KIF13A: variants seen among roughly 807,000 people sequenced by gnomAD.
KIF13A encodes the protein kinesin family member 13A, also known as kinesin-like protein KIF13A.
Under a neutral mutation model 212.2 loss-of-function variants are expected in KIF13A, and 79 were observed. That is an observed-to-expected ratio of 0.37 (90% confidence interval 0.31 to 0.45). The LOEUF (loss-of-function observed/expected upper bound fraction) is 0.45, where lower values mean the gene tolerates loss of function less well. Ranked by LOEUF, KIF13A falls within the 20% of genes least tolerant of loss-of-function variation. KIF13A has a pLI of 1.00. For synonymous variants in KIF13A, 789 were observed against 808.6 expected (o/e 0.98, Z 0.41); for missense variants, 1,901 against 2,209.0 (o/e 0.86, Z 2.79).
At chr6:17,891,430 G>A (rs928394119) in intron 3 of KIF13A, among the ~76,000 whole-genome samples, 3 of 152,250 alleles carry the variant, frequency 2.0e-5, no homozygotes, top group African/African-American at 7.2e-5. Context: ...AACTCAGCTG[G>A]AAGAATATCT....
rs764845569 is a variant in KIF13A at position 17,777,390 on chromosome 6, T to G, written c.4093-36A>C. 7.2e-6 allele frequency: 11 copies of G among 1,532,860 alleles called. No homozygotes were observed. The highest frequency in any genetic ancestry group is 9.8e-6 in the Non-Finnish European group (11 of 1,122,962). The allele number at this position is 1,532,860 out of a possible 1,614,324, so 95.0% of individuals were successfully genotyped here. A position where few individuals can be genotyped will look rare whatever the true frequency, so the allele number is the denominator to read the frequency against. ...AATAATTTGAAAATAACACTTTTTT[T>G]TTTTTTCCCCAGAGACAGAGTCTCA... On this transcript the variant is annotated intron_variant, in intron 33 of 38. Coordinates refer to ENST00000259711, the MANE Select transcript of KIF13A (RefSeq NM_022113.6). The surrounding 1 kb of genome is among the most constrained non-coding windows in gnomAD (Gnocchi z 4.4).
At position 17,849,583 on chromosome 6, in the gene KIF13A, T is replaced by A. The variant is rs1767429900; in HGVS notation, c.718-94A>T. On this transcript the variant is annotated intron_variant, in intron 8 of 38. Coordinates refer to ENST00000259711, the MANE Select transcript of KIF13A (RefSeq NM_022113.6). This position sits in a 1 kb window ranked among gnomAD's most constrained non-coding sequence, Gnocchi z 5.7. ...GTTAGCACTATAATTGAGCAATCCA[T>A]CCCACTCTCATATGGCAAATTTCTT... 5 of 798,282 alleles carry A rather than the reference T, an allele frequency of 6.3e-6. No individual in the cohort carries two copies. The East Asian group carries it at 1.4e-4, about 23-fold the overall frequency. 49.4% of individuals were successfully genotyped at this position (798,282 alleles called of 1,614,324 possible).
chr6:17,894,195 T>C (rs1273779914), intron 3 of KIF13A, among the ~76,000 whole-genome samples: 3 of 151,342 alleles, frequency 2.0e-5, no homozygotes, highest in African/African-American at 4.9e-5. Flanking sequence ...TGCAGTTGCA[T>C]GATCAAGCTT....
rs545311161 is a variant in KIF13A at position 17,805,602 on chromosome 6, A to C, written c.2177T>G (p.Val726Gly). The C allele has an allele frequency of 1.9e-6, 3 of 1,607,294 alleles. No individual in the cohort carries two copies. The South Asian group carries it at 3.3e-5, about 18-fold the overall frequency. Reference protein sequence around the residue: ...LSANRKRGAIVSEPAIQVRRK... With the variant: ...LSANRKRGAIGSEPAIQVRRK... Reference sequence around the variant, plus strand: ...CCTCACTTGGATAGCTGGTTCACTCACTATTGCACCTCTCTGCATAAGGAA... The same window carrying C: ...CCTCACTTGGATAGCTGGTTCACTCCCTATTGCACCTCTCTGCATAAGGAA... The change falls in exon 19 of 39, where the codon GTG becomes GGG. Residue 726 changes from valine to glycine, a missense_variant. Around this residue, in one of 5 missense-constraint regions of KIF13A, gnomAD observed 534 missense variants for 536.9 expected, o/e 0.99. Transcript: ENST00000259711.
intron 4 of KIF13A, among the ~76,000 whole-genome samples, chr6:17,870,721 C>T (rs971640772): frequency 3.9e-5 from 6 of 152,124 alleles, no homozygotes; most frequent in Non-Finnish European, 8.8e-5. Context: ...CAACAAGATG[C>T]ATCTTCTTAT....
intron 4 of KIF13A, among the ~76,000 whole-genome samples, chr6:17,865,232 A>C (rs1276476332): frequency 6.6e-6 from 1 of 152,176 alleles, no homozygotes; most frequent in East Asian, 1.9e-4. Context: ...CCAATATTTG[A>C]ACACGATCAA....
At chr6:17,927,025 C>T (rs531769957) in intron 2 of KIF13A, among the ~76,000 whole-genome samples, 6 of 151,908 alleles carry the variant, frequency 3.9e-5, no homozygotes, top group East Asian at 1.9e-4. Context: ...CTGCAGTCCC[C>T]GCTACTCAGG....
rs1759221636 is a variant in KIF13A at position 17,768,541 on chromosome 6, C to G, written c.4581+2573G>C. ...GGCTCCAGTACTTCTGTCCATGGTA[C>G]TGAGGAGTGAGCCCTTTATCTGAAG... On this transcript the variant is annotated intron_variant, in intron 38 of 38. Coordinates refer to ENST00000259711, the MANE Select transcript of KIF13A (RefSeq NM_022113.6). This position sits in a 1 kb window ranked among gnomAD's most constrained non-coding sequence, Gnocchi z 5.4. Among the ~76,000 whole-genome samples the G allele has an allele frequency of 6.6e-6, 1 of 152,218 alleles. No homozygotes were observed. Among genetic ancestry groups the G allele is most frequent in the Non-Finnish European group, 1.5e-5 (1 of 68,046 alleles).
intron 16 of KIF13A, chr6:17,822,043 C>CTT (rs565299308): frequency 0.013 from 7,351 of 579,272 alleles, 6 homozygotes; most frequent in Middle Eastern, 0.019. Flanking sequence ...AACATAACTT[C>CTT]TTTTTTTTTT....
intron 38 of KIF13A, 131 bp downstream of exon 38, chr6:17,770,983 T>C (rs1227821967): frequency 3.2e-6 from 2 of 616,822 alleles, no homozygotes; most frequent in Non-Finnish European, 5.6e-6. Flanking sequence ...TTACCAATGG[T>C]CACATTTTTA....
intron 2 of KIF13A, among the ~76,000 whole-genome samples, chr6:17,930,890 G>C (rs1216658808): frequency 1.3e-5 from 2 of 152,214 alleles, no homozygotes; most frequent in Non-Finnish European, 2.9e-5. Flanking sequence ...AACTTGCCTA[G>C]AATTTGGTAG....
At position 17,898,192 on chromosome 6, in the gene KIF13A, G is replaced by GA. The variant is rs538977848; in HGVS notation, c.147-13dup. Reference sequence around the variant, plus strand: ...CCTTGGGAGGTTTCCTTAATGATGGGAAAAAAAAAATTCAGCAGCAGGGAT... The same window carrying GA: ...CCTTGGGAGGTTTCCTTAATGATGGGAAAAAAAAAAATTCAGCAGCAGGGAT... On this transcript the variant is annotated splice_polypyrimidine_tract_variant and intron_variant, in intron 2 of 38. Coordinates refer to ENST00000259711, the MANE Select transcript of KIF13A (RefSeq NM_022113.6). The surrounding 1 kb of genome is among the most constrained non-coding windows in gnomAD (Gnocchi z 5.2). 2,926 of 1,525,292 alleles carry GA rather than the reference G, an allele frequency of 1.9e-3. 7 individuals are homozygous for GA. Among genetic ancestry groups the GA allele is most frequent in the South Asian group, 0.01 (877 of 84,088 alleles). 94.5% of individuals were successfully genotyped at this position (1,525,292 alleles called of 1,614,324 possible).
rs1352488781 is a variant in KIF13A, at chr6:17,892,054, G to C, written c.159+6114C>G. 2.0e-5 allele frequency among the ~76,000 whole-genome samples: 3 copies of C among 151,992 alleles called. No individual in the cohort carries two copies. The highest frequency in any genetic ancestry group is 7.2e-5 in the African/African-American group (3 of 41,388). On this transcript the variant is annotated intron_variant, in intron 3 of 38. Transcript: ENST00000259711. The surrounding 1 kb of genome is among the most constrained non-coding windows in gnomAD (Gnocchi z 4.7). ...TTTGTAAGGCAGAGTCGGCAAATTC[G>C]TATCACCTGCTAAGCATCCTATCAG...
Position 17,773,414 on chromosome 6 carries a change from A to AT in KIF13A, c.4324+63dup, listed in dbSNP as rs1448893082. 5.3e-6 allele frequency: 5 copies of AT among 944,608 alleles called. No homozygotes were observed. The highest frequency in any genetic ancestry group is 1.9e-5 in the Admixed American group (1 of 53,874). 58.5% of individuals were successfully genotyped at this position (944,608 alleles called of 1,614,324 possible). A position where few individuals can be genotyped will look rare whatever the true frequency, so the allele number is the denominator to read the frequency against. On this transcript the variant is annotated intron_variant, in intron 36 of 38. Transcript: ENST00000259711. This position sits in a 1 kb window ranked among gnomAD's most constrained non-coding sequence, Gnocchi z 4.2. The stretch of plus-strand genomic sequence containing the variant: ...TTATTATATGCCATTAATGAAAGAC[A>AT]TTTTTTCATACTTTTTCTAAGTAAT...
At position 17,977,760 on chromosome 6, in the gene KIF13A, G is replaced by C. The variant is rs910098030; in HGVS notation, c.146+9294C>G. ...ATACATGTGCACAACGTGCAGATTT[G>C]TTACATATTGTATACATGTGCCATG... On this transcript the variant is annotated intron_variant, in intron 2 of 38. Transcript: ENST00000259711. Among the ~76,000 whole-genome samples the C allele has an allele frequency of 3.9e-5, 6 of 152,174 alleles. No individual in the cohort carries two copies. In the East Asian group the frequency reaches 7.7e-4, roughly 20 times the overall value.
At chr6:17,976,202 G>A (rs918902067) in intron 2 of KIF13A, among the ~76,000 whole-genome samples, 4 of 152,240 alleles carry the variant, frequency 2.6e-5, no homozygotes, top group African/African-American at 9.6e-5. Context: ...CTCAGCCCTT[G>A]GGTGGTCGAT....
At chr6:17,922,492 AAAG>A (rs2150522871) in intron 2 of KIF13A, among the ~76,000 whole-genome samples, 1 of 152,304 alleles carries the variant, frequency 6.6e-6, no homozygotes, top group Admixed American at 6.5e-5. Context: ...AATAATGTTG[AAAG>A]AAGAAAGCAA....
intron 2 of KIF13A, among the ~76,000 whole-genome samples, chr6:17,957,245 A>G (rs1293801447): frequency 6.6e-6 from 1 of 152,070 alleles, no homozygotes; most frequent in African/African-American, 2.4e-5. Flanking sequence ...AAAAACCCTC[A>G]AGCACAAAGT....
In KIF13A at chr6:17,764,646, T is replaced by C. The variant is rs1758782431; in HGVS notation, c.4882A>G (p.Lys1628Glu). ...GAGTGCTCGGTGGAGTCTGCATCCT[T>C]CGTCTGAATGGCCAGCTGGTCTGAG... The part of the protein sequence containing the change: ...DSSDQLAIQT[K>E]DADSTEHSTP... Residue 1628 changes from lysine (K) to glutamate (E), a missense_variant, in exon 39 of 39, where the codon AAG becomes GAG. Coordinates refer to ENST00000259711, the MANE Select transcript of KIF13A (RefSeq NM_022113.6). This position sits in a 1 kb window ranked among gnomAD's most constrained non-coding sequence, Gnocchi z 5.1. 1.9e-6 allele frequency: 3 copies of C among 1,613,314 alleles called. No individual in the cohort carries two copies. The highest frequency in any genetic ancestry group is 1.7e-5 in the Admixed American group (1 of 59,962).
Sources: allele counts gnomAD v4.1 joint callset (sites outside exome capture counted in the v4.1 genomes callset), GRCh38; gene constraint gnomAD v4.1.1; regional missense constraint gnomAD v4.1.1; non-coding constraint Gnocchi (gnomAD v3.1); transcripts MANE v1.5; gene names NCBI Gene and HGNC (gene_info 2026-07-23, HGNC 2026-07-21).